The following MED27 variants were observed in gnomAD, a reference collection of about 807,000 sequenced individuals.
MED27 encodes the protein mediator of RNA polymerase II transcription subunit 27.
In MED27, 30 loss-of-function variants were observed where a neutral mutation model predicts 38.2. That is an observed-to-expected ratio of 0.79 (90% CI 0.59 to 1.07). The LOEUF (loss-of-function observed/expected upper bound fraction) is 1.07, where lower values mean the gene tolerates loss of function less well. Among genes scored for constraint, MED27 ranks in the 50% least tolerant of loss-of-function variants. The probability of loss-of-function intolerance (pLI) is 0.00; values close to 1 mark genes in which losing one functional copy is unlikely to be tolerated. For synonymous variants in MED27, 122 were observed against 153.5 expected, an observed-to-expected ratio of 0.79 and a Z score of 1.52; for missense variants, 289 against 397.5, an observed-to-expected ratio of 0.73 and a Z score of 2.32.
At chr9:132,030,316 C>A (rs1832928781) in intron 2 of MED27, among the ~76,000 whole-genome samples, 1 of 152,216 alleles carries the variant, frequency 6.6e-6, no homozygotes, top group South Asian at 2.1e-4. Flanking sequence ...AATTCAGCTT[C>A]TAACACTGCC....
In MED27 at chr9:131,894,037, C is replaced by T. The variant is rs369304485; in HGVS notation, c.574-45G>A. 121 of 1,497,538 alleles carry T rather than the reference C, an allele frequency of 8.1e-5. No individual in the cohort carries two copies. In the African/African-American group the frequency reaches 1.6e-3, roughly 20 times the overall value. The allele number at this position is 1,497,538 out of a possible 1,614,324, so 92.8% of individuals were successfully genotyped here. On this transcript the variant is annotated intron_variant, in intron 4 of 7. Transcript: ENST00000292035. Reference sequence around the variant, plus strand: ...CTGACACTTGAACACGCAAATCACACAAAGTTGGGCAGGGGTGTGAGAAGA... The same window carrying T: ...CTGACACTTGAACACGCAAATCACATAAAGTTGGGCAGGGGTGTGAGAAGA...
chr9:132,040,863 A>G (rs1833193967), intron 2 of MED27, among the ~76,000 whole-genome samples: 1 of 152,238 alleles, frequency 6.6e-6, no homozygotes. Flanking sequence ...AGGTGCTTCC[A>G]TCATTTTCCC....
intron 3 of MED27, among the ~76,000 whole-genome samples, chr9:131,949,069 A>G (rs1830939059): frequency 6.6e-6 from 1 of 152,204 alleles, no homozygotes; most frequent in Non-Finnish European, 1.5e-5. Flanking sequence ...GAACTAGAAC[A>G]CGTGACAAAT....
At chr9:131,944,571 A>T (rs1258517137) in intron 3 of MED27, among the ~76,000 whole-genome samples, 9 of 146,872 alleles carry the variant, frequency 6.1e-5, no homozygotes, top group Admixed American at 1.4e-4. Context: ...TCTGTCACCC[A>T]GGCTGGAGTG....
At chr9:132,050,296 G>C (rs1833434888) in intron 2 of MED27, among the ~76,000 whole-genome samples, 1 of 152,242 alleles carries the variant, frequency 6.6e-6, no homozygotes, top group Non-Finnish European at 1.5e-5. Context: ...TCCAAGGACA[G>C]AAAATGGAAC....
chr9:131,927,192 A>G (rs750092060), intron 4 of MED27, among the ~76,000 whole-genome samples: 3 of 152,244 alleles, frequency 2.0e-5, no homozygotes, highest in Non-Finnish European at 4.4e-5. Context: ...ATTAATTTAC[A>G]CAATACCAAA....
intron 3 of MED27, among the ~76,000 whole-genome samples, chr9:131,987,874 G>GGTT (rs1342561746): frequency 6.6e-6 from 1 of 152,174 alleles, no homozygotes; most frequent in Non-Finnish European, 1.5e-5. Context: ...GATGGCCCCC[G>GGTT]GTTCCTCTCT....
chr9:132,045,998 A>G (rs982870693), intron 2 of MED27, among the ~76,000 whole-genome samples: 1 of 152,232 alleles, frequency 6.6e-6, no homozygotes, highest in Non-Finnish European at 1.5e-5. Context: ...GCAAAGCAAT[A>G]GGATAATGGA....
At chr9:131,966,704 C>T (rs914206996) in intron 3 of MED27, among the ~76,000 whole-genome samples, 1 of 152,086 alleles carries the variant, frequency 6.6e-6, no homozygotes. Context: ...CCCGGACTCC[C>T]GACGCTTCAG....
chr9:131,985,697 GTT>G (rs75420101), intron 3 of MED27, among the ~76,000 whole-genome samples: 1 of 136,554 alleles, frequency 7.3e-6, no homozygotes, highest in Non-Finnish European at 1.5e-5. Flanking sequence ...AATTTTAATT[GTT>G]TTTTTTTTTT....
At chr9:132,018,605 C>T (rs1201412051) in intron 2 of MED27, among the ~76,000 whole-genome samples, 4 of 152,176 alleles carry the variant, frequency 2.6e-5, no homozygotes, top group Non-Finnish European at 5.9e-5. Flanking sequence ...GTTCAATATA[C>T]TAATGAAGCC....
chr9:131,880,518 G>A (rs1839018017), intron 6 of MED27, among the ~76,000 whole-genome samples: 1 of 152,190 alleles, frequency 6.6e-6, no homozygotes, highest in South Asian at 2.1e-4. Context: ...ATAGGTGAAA[G>A]GAGCGATGAT....
Position 131,861,147 on chromosome 9 carries a change from T to C in MED27, c.802-475A>G, listed in dbSNP as rs1332031994. Among the ~76,000 whole-genome samples, 1 of 152,078 alleles carries C rather than the reference T, an allele frequency of 6.6e-6. No homozygotes were observed. The highest frequency in any genetic ancestry group is 1.5e-5 in the Non-Finnish European group (1 of 68,018). On this transcript the variant is annotated intron_variant, in intron 7 of 7. Coordinates refer to ENST00000292035, the MANE Select transcript of MED27 (RefSeq NM_004269.4). The surrounding 1 kb of genome is among the most constrained non-coding windows in gnomAD (Gnocchi z 4.4). Reference sequence around the variant, plus strand: ...TCAACATGCCTTCTAGCTAATCTGATTTCAGAGGTTGTCACTCATTGTCAC... The same window carrying C: ...TCAACATGCCTTCTAGCTAATCTGACTTCAGAGGTTGTCACTCATTGTCAC...
intron 4 of MED27, among the ~76,000 whole-genome samples, chr9:131,935,564 C>T (rs1490704696): frequency 1.3e-5 from 2 of 152,142 alleles, no homozygotes; most frequent in Non-Finnish European, 2.9e-5. Context: ...AGGGATACAG[C>T]TCAGAAACAA....
chr9:131,911,402 T>G (rs1157432518), intron 4 of MED27, among the ~76,000 whole-genome samples: 1 of 152,222 alleles, frequency 6.6e-6, no homozygotes, highest in South Asian at 2.1e-4. Context: ...GCAAGTCAAC[T>G]AGCTTTGCTT....
intron 3 of MED27, among the ~76,000 whole-genome samples, chr9:131,995,757 C>G (rs1832077439): frequency 6.6e-6 from 1 of 152,162 alleles, no homozygotes; most frequent in South Asian, 2.1e-4. Flanking sequence ...TGTGGTCTAG[C>G]CTGCTGAAGG....
At chr9:131,960,415 C>T (rs1183327316) in intron 3 of MED27, among the ~76,000 whole-genome samples, 1 of 152,126 alleles carries the variant, frequency 6.6e-6, no homozygotes, top group African/African-American at 2.4e-5. Flanking sequence ...TGTGTGTGCG[C>T]TCGTGCACAC....
At chr9:131,870,889 G>A (rs1334768526) in intron 6 of MED27, among the ~76,000 whole-genome samples, 1 of 152,230 alleles carries the variant, frequency 6.6e-6, no homozygotes, top group Admixed American at 6.5e-5. Flanking sequence ...AGACACCGGT[G>A]GGCCCTCAAG....
intron 4 of MED27, among the ~76,000 whole-genome samples, chr9:131,914,801 G>C (rs1177716246): frequency 6.6e-6 from 1 of 152,226 alleles, no homozygotes; most frequent in African/African-American, 2.4e-5. Flanking sequence ...AGGATGTGGA[G>C]AAAGATGGCA....
Sources: gnomAD v4.1 joint callset for allele counts (sites outside exome capture counted in the v4.1 genomes callset) on GRCh38, gnomAD v4.1.1 for gene constraint, Gnocchi (gnomAD v3.1) non-coding constraint, MANE v1.5 for transcripts, NCBI Gene and HGNC (gene_info 2026-07-23, HGNC 2026-07-21) for gene names.